Variants in GRIA2 observed in about 807,000 individuals in gnomAD.
GRIA2 encodes the protein glutamate receptor 2.
In GRIA2, 14 loss-of-function variants were observed where a neutral mutation model predicts 97.3. The ratio of observed to expected loss-of-function variants is 0.14; its 90% confidence interval spans 0.10 to 0.23. The LOEUF (loss-of-function observed/expected upper bound fraction) is 0.23. Ranked by LOEUF, GRIA2 falls within the 10% of genes least tolerant of loss-of-function variation. The probability of loss-of-function intolerance (pLI) is 1.00; values close to 1 mark genes in which losing one functional copy is unlikely to be tolerated. For synonymous variants in GRIA2, 412 were observed against 387.8 expected, an observed-to-expected ratio of 1.06 and a Z score of -0.73; for missense variants, 558 against 1,069.8, an observed-to-expected ratio of 0.52 and a Z score of 6.67.
chr4:157,299,739 C>T (rs1484747263), intron 2 of GRIA2, among the ~76,000 whole-genome samples: 2 of 152,124 alleles, frequency 1.3e-5, no homozygotes, highest in African/African-American at 4.8e-5. Context: ...TGCTGTTTGA[C>T]ATAAAGTGTC....
chr4:157,239,624 T>G (rs767438494), intron 2 of GRIA2, among the ~76,000 whole-genome samples: 2 of 152,010 alleles, frequency 1.3e-5, no homozygotes, highest in African/African-American at 2.4e-5. Context: ...TATGAATTGA[T>G]GACATTCGTG....
intron 2 of GRIA2, among the ~76,000 whole-genome samples, chr4:157,226,925 G>A (rs966106727): frequency 2.0e-5 from 3 of 152,114 alleles, no homozygotes; most frequent in African/African-American, 7.2e-5. Context: ...TTGAGGAAAT[G>A]CCTCTTTGTA....
intron 3 of GRIA2, among the ~76,000 whole-genome samples, chr4:157,305,427 A>AC (rs1733800974): frequency 6.6e-6 from 1 of 151,920 alleles, no homozygotes; most frequent in Non-Finnish European, 1.5e-5. Context: ...CTGTTAAAAA[A>AC]TTTTTTTTGG....
At chr4:157,355,941 TAA>T (rs371613498) in intron 12 of GRIA2, among the ~76,000 whole-genome samples, 242 of 11,536 alleles carry the variant, frequency 0.021, 4 homozygotes, top group East Asian at 0.073. Context: ...ATTTATATAT[TAA>T]TATATATTTA....
At chr4:157,321,941 G>T (rs1560765169) in intron 6 of GRIA2, among the ~76,000 whole-genome samples, 1 of 152,052 alleles carries the variant, frequency 6.6e-6, no homozygotes, top group Non-Finnish European at 1.5e-5. Context: ...CCTGCTCACA[G>T]TTGAATGGAA....
At chr4:157,235,692 T>C (rs1227967212) in intron 2 of GRIA2, among the ~76,000 whole-genome samples, 11 of 152,044 alleles carry the variant, frequency 7.2e-5, no homozygotes, top group Non-Finnish European at 1.0e-4. Flanking sequence ...AGTTTCAATT[T>C]TTCGCATCAT....
intron 2 of GRIA2, among the ~76,000 whole-genome samples, chr4:157,230,567 CTTCCTTCCTTCT>C (rs1377220978): frequency 4.7e-5 from 4 of 84,354 alleles, no homozygotes; most frequent in African/African-American, 1.3e-4. Context: ...TCTTTCCTTC[CTTCCTTCCTTCT>C]TTCCTTCCTT....
intron 2 of GRIA2, among the ~76,000 whole-genome samples, chr4:157,266,927 G>A (rs2126781192): frequency 6.6e-6 from 1 of 152,026 alleles, no homozygotes. Flanking sequence ...GAGTGTGGTG[G>A]TGTGTGCCTG....
Position 157,321,427 on chromosome 4 carries a change from T to C in GRIA2, c.721-11T>C. 1 of 1,595,570 alleles carries C rather than the reference T, an allele frequency of 6.3e-7. No individual in the cohort carries two copies. The highest frequency in any genetic ancestry group is 2.2e-5 in the East Asian group (1 of 44,652). On this transcript the variant is annotated splice_polypyrimidine_tract_variant and intron_variant, in intron 5 of 15. Transcript: ENST00000264426. ...AACAAAAAGCGTGATATCAATGTGTTCTATGTTTAGGGATTTACTGATGGA... is the reference window on the plus strand; with the variant it reads ...AACAAAAAGCGTGATATCAATGTGTCCTATGTTTAGGGATTTACTGATGGA...
At chr4:157,360,544 A>T (rs897164404) in intron 13 of GRIA2, among the ~76,000 whole-genome samples, 1 of 152,170 alleles carries the variant, frequency 6.6e-6, no homozygotes, top group Non-Finnish European at 1.5e-5. Context: ...CAGTAAACTG[A>T]AATAACTAAC....
chr4:157,225,834 A>G (rs957235897), intron 2 of GRIA2, among the ~76,000 whole-genome samples: 1 of 151,922 alleles, frequency 6.6e-6, no homozygotes, highest in Non-Finnish European at 1.5e-5. Context: ...AGTAACTTTC[A>G]TATTAATATA....
Position 157,336,633 on chromosome 4 carries a change from T to C in GRIA2, c.1730T>C (p.Phe577Ser), listed in dbSNP as rs769357182. 20 of 1,613,350 alleles carry C rather than the reference T, an allele frequency of 1.2e-5. No individual in the cohort carries two copies. Among genetic ancestry groups the C allele is most frequent in the Admixed American group, 8.3e-5 (5 of 59,888 alleles). Reference protein sequence around the residue: ...FSPYEWHTEEFEDGRETQSSE... With the variant: ...FSPYEWHTEESEDGRETQSSE... ...CCCTACGAGTGGCACACTGAGGAGT[T>C]TGAAGATGGAAGAGAAACACAAAGT... Residue 577 changes from phenylalanine to serine, a missense_variant, in exon 11 of 16, where the codon TTT (phenylalanine) becomes TCT (serine). Transcript: ENST00000264426.
chr4:157,327,176 C>T (rs898054119), intron 6 of GRIA2, among the ~76,000 whole-genome samples: 1 of 152,066 alleles, frequency 6.6e-6, no homozygotes, highest in Non-Finnish European at 1.5e-5. Context: ...AAATCTGGCT[C>T]ATTTGTATCT....
At chr4:157,285,203 T>C (rs1488809249) in intron 2 of GRIA2, among the ~76,000 whole-genome samples, 1 of 151,638 alleles carries the variant, frequency 6.6e-6, no homozygotes, top group Non-Finnish European at 1.5e-5. Flanking sequence ...TTAAGCCTTC[T>C]GAGTCCCTTT....
chr4:157,304,893 C>T (rs1398278106), intron 3 of GRIA2, among the ~76,000 whole-genome samples: 3 of 152,036 alleles, frequency 2.0e-5, no homozygotes, highest in African/African-American at 7.2e-5. Flanking sequence ...TGATTCTCTG[C>T]CCTGTCCTCC....
At chr4:157,240,752 A>T (rs1730470579) in intron 2 of GRIA2, among the ~76,000 whole-genome samples, 1 of 151,220 alleles carries the variant, frequency 6.6e-6, no homozygotes, top group Non-Finnish European at 1.5e-5. Context: ...GTACATGTGC[A>T]CATTGTGCAG....
chr4:157,242,626 G>A (rs1266720282), intron 2 of GRIA2, among the ~76,000 whole-genome samples: 1 of 152,014 alleles, frequency 6.6e-6, no homozygotes, highest in African/African-American at 2.4e-5. Flanking sequence ...ATTATTTACA[G>A]TAGTTATGTT....
At chr4:157,314,468 G>A (rs1250848845) in intron 4 of GRIA2, among the ~76,000 whole-genome samples, 1 of 152,114 alleles carries the variant, frequency 6.6e-6, no homozygotes, top group Non-Finnish European at 1.5e-5. Flanking sequence ...CTTGATTCTA[G>A]TCTCAAGAGA....
At chr4:157,286,876 A>G (rs908793103) in intron 2 of GRIA2, among the ~76,000 whole-genome samples, 2 of 151,474 alleles carry the variant, frequency 1.3e-5, no homozygotes, top group Non-Finnish European at 3.0e-5. Context: ...TTTCTTTTCT[A>G]TTTGATTACT....
Sources: gnomAD v4.1 joint callset for allele counts (sites outside exome capture counted in the v4.1 genomes callset) on GRCh38, gnomAD v4.1.1 for gene constraint, MANE v1.5 for transcripts, NCBI Gene and HGNC (gene_info 2026-07-23, HGNC 2026-07-21) for gene names.